Variants in OPTN observed in about 807,000 individuals in gnomAD.
The protein encoded by OPTN is optineurin, also known as E3-14.7K-interacting protein.
A neutral mutation model predicts 70.4 loss-of-function variants in OPTN; 54 were observed. The observed-to-expected ratio is 0.77, with a 90% CI of 0.62 to 0.96. OPTN has a LOEUF of 0.96. Among genes scored for constraint, OPTN ranks in the 40% least tolerant of loss-of-function variants. The pLI is 0.00. For missense variants in OPTN, 624 were observed against 673.2 expected (o/e 0.93, Z 0.81); for synonymous variants, 256 against 248.5 (o/e 1.03, Z -0.28).
intron 8 of OPTN, chr10:13,122,807 G>T (rs903645207): frequency 3.0e-6 from 1 of 332,500 alleles, no homozygotes; most frequent in Admixed American, 4.0e-5. Flanking sequence ...CTCCCAAGTA[G>T]CTGGGATTAC....
At chr10:13,121,692 C>T (rs1833355386) in intron 7 of OPTN, among the ~76,000 whole-genome samples, 1 of 152,004 alleles carries the variant, frequency 6.6e-6, no homozygotes, top group Non-Finnish European at 1.5e-5. Context: ...TTGGCTGTCC[C>T]TACTGTTGGC....
At chr10:13,102,225 G>A (rs775203327) in intron 1 of OPTN, among the ~76,000 whole-genome samples, 2 of 152,228 alleles carry the variant, frequency 1.3e-5, no homozygotes, top group Admixed American at 6.5e-5. Context: ...GCAGGGAACC[G>A]TGAGCTCTTT....
At chr10:13,132,512 G>A (rs760275860) in intron 13 of OPTN, among the ~76,000 whole-genome samples, 1 of 151,926 alleles carries the variant, frequency 6.6e-6, no homozygotes, top group Non-Finnish European at 1.5e-5. Context: ...TTAAAATGTT[G>A]TGTTGTTTTG....
chr10:13,115,659 G>A (rs10752285), intron 5 of OPTN, among the ~76,000 whole-genome samples: 107,352 of 139,334 alleles, frequency 0.77, 41,566 homozygotes, highest in Middle Eastern at 0.93. Flanking sequence ...ATATTTATAC[G>A]TATATACCTA....
intron 4 of OPTN, among the ~76,000 whole-genome samples, chr10:13,110,726 A>C (rs1408874986): frequency 2.0e-5 from 3 of 152,210 alleles, no homozygotes; most frequent in Non-Finnish European, 4.4e-5. Context: ...AAGAACAGTA[A>C]GGTTATAAAT....
Position 13,112,530 on chromosome 10 carries a change from G to A in OPTN, c.447G>A (p.Arg149=), listed in dbSNP as rs555741399. 366 of 1,614,096 alleles carry A rather than the reference G, an allele frequency of 2.3e-4. 5 individuals carry two copies. The South Asian group carries it at 3.8e-3, about 17-fold the overall frequency. ...ACCAGCTCAGGACCCAGGTGGTGAG[G>A]CTACAAGCAGAGAAGGCAGACCTGT... ...EKDQLRTQVV[R]LQAEKADLLG... is the part of the protein sequence containing the mutation. Residue 149 remains arginine, a synonymous_variant, in exon 5 of 15, where the codon AGG becomes AGA. Transcript: ENST00000378747.
intron 5 of OPTN, among the ~76,000 whole-genome samples, chr10:13,114,643 A>G (rs1244778683): frequency 8.1e-5 from 12 of 148,128 alleles, no homozygotes. Context: ...CCAAGCAGAG[A>G]AAAAATATAT....
intron 1 of OPTN, chr10:13,104,699 A>C (rs1832826396): frequency 1.4e-6 from 1 of 690,222 alleles, no homozygotes; most frequent in Middle Eastern, 4.2e-4. Flanking sequence ...AAAGGGATCA[A>C]GTCCCTGCAA....
intron 12 of OPTN, among the ~76,000 whole-genome samples, chr10:13,129,497 C>T (rs1030299133): frequency 6.6e-6 from 1 of 152,084 alleles, no homozygotes; most frequent in Admixed American, 6.6e-5. Flanking sequence ...GGACTACAGG[C>T]GCACACCACC....
At position 13,109,486 on chromosome 10, in the gene OPTN, C is replaced by T; in HGVS notation, c.166+198C>T. ...TTTTGGAAACAGGTACAAGTAAAAA[C>T]TGTGTGTATCTCAAGGAAGTAGCAT... On this transcript the variant is annotated intron_variant, in intron 3 of 14. Coordinates refer to ENST00000378747, the MANE Select transcript of OPTN (RefSeq NM_001008212.2). 3 of 584,726 alleles carry T rather than the reference C, an allele frequency of 5.1e-6. No individual in the cohort carries two copies. In the South Asian group the frequency reaches 6.0e-5, roughly 12 times the overall value. The allele number at this position is 584,726 out of a possible 1,614,324, so 36.2% of individuals were successfully genotyped here.
At chr10:13,128,171 A>T (rs567353109) in intron 12 of OPTN, among the ~76,000 whole-genome samples, 1 of 152,310 alleles carries the variant, frequency 6.6e-6, no homozygotes, top group African/African-American at 2.4e-5. Flanking sequence ...CTCTGTTCAC[A>T]TGTGGATATT....
rs773125318 is a variant in OPTN, at chr10:13,122,449, A to C, written c.844A>C (p.Thr282Pro). The change falls in exon 8 of 15, where the codon ACA becomes CCA. Residue 282 changes from threonine to proline, a missense_variant. Coordinates refer to ENST00000378747, the MANE Select transcript of OPTN (RefSeq NM_001008212.2). ...GATTGAAACCCAGACAGAGGGGAGC[A>C]CAGAGAAAGAGAATGATGAAGAGAA... ...SEIETQTEGS[T>P]EKENDEEKGP... is the part of the protein sequence containing the mutation. The C allele has an allele frequency of 1.8e-5, 29 of 1,613,990 alleles. No individual in the cohort carries two copies. In the South Asian group the frequency reaches 2.6e-4, roughly 15 times the overall value.
At chr10:13,102,171 G>A (rs371677514) in intron 1 of OPTN, among the ~76,000 whole-genome samples, 248 of 152,274 alleles carry the variant, frequency 1.6e-3, no homozygotes, top group African/African-American at 5.4e-3. Context: ...CAGACATTTC[G>A]GGCAGAGGGC....
At chr10:13,136,505 C>CA (rs71386161) in intron 14 of OPTN, among the ~76,000 whole-genome samples, 30,514 of 72,586 alleles carry the variant, frequency 0.42, 7,342 homozygotes, top group East Asian at 0.61. Context: ...GACTCCGTCT[C>CA]AAAAAAAAAA....
At chr10:13,129,490 C>T (rs7908114) in intron 12 of OPTN, among the ~76,000 whole-genome samples, 3 of 152,014 alleles carry the variant, frequency 2.0e-5, no homozygotes, top group African/African-American at 7.2e-5. Flanking sequence ...GTAGCTGGGA[C>T]TACAGGCGCA....
intron 5 of OPTN, among the ~76,000 whole-genome samples, chr10:13,113,896 T>TAA (rs140128491): frequency 6.8e-6 from 1 of 147,426 alleles, no homozygotes; most frequent in Non-Finnish European, 1.5e-5. Context: ...TGTGTGTACA[T>TAA]AAAAAAAAAA....
intron 12 of OPTN, among the ~76,000 whole-genome samples, chr10:13,128,873 T>G (rs1317908879): frequency 6.6e-6 from 1 of 152,102 alleles, no homozygotes; most frequent in Non-Finnish European, 1.5e-5. Context: ...ATGACTTCTA[T>G]GTATACTGCA....
intron 1 of OPTN, among the ~76,000 whole-genome samples, chr10:13,100,625 G>A (rs1412243567): frequency 6.6e-6 from 1 of 152,188 alleles, no homozygotes; most frequent in African/African-American, 2.4e-5. Flanking sequence ...TCCTCCCGCA[G>A]GCTGGGAAGG....
At chr10:13,130,145 G>A (rs867142933) in intron 12 of OPTN, among the ~76,000 whole-genome samples, 10 of 152,110 alleles carry the variant, frequency 6.6e-5, no homozygotes, top group Non-Finnish European at 1.2e-4. Flanking sequence ...TGTCAGAGAC[G>A]GCCGGGCATG....
Sources: gnomAD v4.1 joint callset for allele counts (sites outside exome capture counted in the v4.1 genomes callset) on GRCh38, gnomAD v4.1.1 for gene constraint, MANE v1.5 for transcripts, NCBI Gene and HGNC (gene_info 2026-07-23, HGNC 2026-07-21) for gene names.